ATAD2: variants seen among roughly 807,000 people sequenced by gnomAD.
ATAD2 encodes the protein ATPase family AAA domain-containing protein 2.
Under a neutral mutation model 168.9 loss-of-function variants are expected in ATAD2, and 62 were observed. The ratio of observed to expected loss-of-function variants is 0.37; its 90% CI spans 0.30 to 0.45. The LOEUF (loss-of-function observed/expected upper bound fraction) is 0.45. ATAD2 is among the 20% of genes least tolerant of loss of function. The probability of loss-of-function intolerance (pLI) is 1.00; values close to 1 mark genes in which losing one functional copy is unlikely to be tolerated. For missense variants in ATAD2, 1,419 were observed against 1,667.8 expected, an observed-to-expected ratio of 0.85 and a Z score of 2.60; for synonymous variants, 613 against 571.6, an observed-to-expected ratio of 1.07 and a Z score of -1.03.
In ATAD2 at chr8:123,371,234, ACTT is replaced by A. The variant is rs1243596943; in HGVS notation, c.638_639+1del. 6 of 1,585,732 alleles carry A rather than the reference ACTT, an allele frequency of 3.8e-6. No individual in the cohort carries two copies. Among genetic ancestry groups the A allele is most frequent in the South Asian group, 1.2e-5 (1 of 86,918 alleles). On this transcript the variant is annotated splice_donor_variant and coding_sequence_variant, in exon 5 of 28. Coordinates refer to ENST00000287394, the MANE Select transcript of ATAD2 (RefSeq NM_014109.4). LOFTEE classifies it high-confidence loss of function. ...ATTCCCTTAATGGAAGAATATATTT[ACTT>A]CTTCTGTTTCATTAAACACTCCCAA...
chr8:123,344,681 A>G (rs1828177864), intron 19 of ATAD2: 1 of 559,360 alleles, frequency 1.8e-6, no homozygotes, highest in East Asian at 3.3e-5. Context: ...AAATTTATGT[A>G]TCCTTAATAT....
At chr8:123,409,028 G>T (rs926296484) in intron 1 of ATAD2, among the ~76,000 whole-genome samples, 7 of 151,794 alleles carry the variant, frequency 4.6e-5, no homozygotes, top group African/African-American at 1.7e-4. Context: ...GGGTTTTGCT[G>T]TGTTGGCCAG....
rs530714767 is a variant in ATAD2, at chr8:123,391,748, A to T, written c.171+4439T>A. 2.6e-5 allele frequency among the ~76,000 whole-genome samples: 4 copies of T among 152,296 alleles called. 1 individual carries two copies. Among genetic ancestry groups the T allele is most frequent in the African/African-American group, 7.2e-5 (3 of 41,564 alleles). Reference sequence around the variant, plus strand: ...AAATGTATTGAATGTAAAGCCCCCAAATCAGAAAATATTCCAATTACAGAG... The same window carrying T: ...AAATGTATTGAATGTAAAGCCCCCATATCAGAAAATATTCCAATTACAGAG... On this transcript the variant is annotated intron_variant, in intron 1 of 27. Transcript: ENST00000287394.
Position 123,379,890 on chromosome 8 carries a change from A to ATTAT in ATAD2, c.320+638_320+639insATAA, listed in dbSNP as rs748949591. Among the ~76,000 whole-genome samples the ATTAT allele has an allele frequency of 3.1e-3, 401 of 129,134 alleles. 2 individuals carry two copies. Among genetic ancestry groups the ATTAT allele is most frequent in the Middle Eastern group, 0.015 (4 of 264 alleles). 84.7% of individuals were successfully genotyped at this position (129,134 alleles called of 152,430 possible). The stretch of plus-strand genomic sequence containing the variant: ...GCCACGTATTATTATTATTATTATT[A>ATTAT]TTTTTTTTTTTTTGAGACTGAGTTT... On this transcript the variant is annotated intron_variant, in intron 2 of 27. Coordinates refer to ENST00000287394, the MANE Select transcript of ATAD2 (RefSeq NM_014109.4).
At position 123,328,506 on chromosome 8, in the gene ATAD2, T is replaced by C. The variant is rs780920820; in HGVS notation, c.3552A>G (p.Ser1184=). 2.5e-6 allele frequency: 4 copies of C among 1,596,928 alleles called. No individual in the cohort carries two copies. The highest frequency in any genetic ancestry group is 4.5e-5 in the East Asian group (2 of 44,412). Residue 1184 remains serine (S), a synonymous_variant, in exon 25 of 28, where the codon TCA becomes TCG. Coordinates refer to ENST00000287394, the MANE Select transcript of ATAD2 (RefSeq NM_014109.4). ...LGTIKKRRKI[S]QAKDDSQNAI... Reference sequence around the variant, plus strand: ...CATTCTGGCTATCATCCTTTGCCTGTGAAATCTTCCTTCGCTTTTTTATGG... The same window carrying C: ...CATTCTGGCTATCATCCTTTGCCTGCGAAATCTTCCTTCGCTTTTTTATGG...
At position 123,358,723 on chromosome 8, in the gene ATAD2, CTTTTTTTTTTTTTTT is replaced by C. The variant is rs772822406; in HGVS notation, c.1382+483_1382+497del. Among the ~76,000 whole-genome samples the C allele has an allele frequency of 1.4e-4, 11 of 76,844 alleles. No individual in the cohort carries two copies. The South Asian group carries it at 2.9e-3, about 20-fold the overall frequency. The allele number at this position is 76,844 out of a possible 152,430, so 50.4% of individuals were successfully genotyped here. Reference sequence around the variant, plus strand: ...CCTGTGATTGATATATGGTACATTACTTTTTTTTTTTTTTTTTTTTTTTTTGGAGATGGTGTCTTG... The same window carrying C: ...CCTGTGATTGATATATGGTACATTACTTTTTTTTTTGGAGATGGTGTCTTG... On this transcript the variant is annotated intron_variant, in intron 11 of 27. Transcript: ENST00000287394.
At position 123,321,131 on chromosome 8, in the gene ATAD2, TCATCATCTGGAACAA is replaced by T. The variant is rs1190318548; in HGVS notation, c.4161_*2del. The T allele has an allele frequency of 6.2e-7, 1 of 1,608,516 alleles. No individual in the cohort carries two copies. The highest frequency in any genetic ancestry group is 8.5e-7 in the Non-Finnish European group (1 of 1,178,502). On this transcript the variant is annotated stop_lost and 3_prime_UTR_variant, in exon 28 of 28. Coordinates refer to ENST00000287394, the MANE Select transcript of ATAD2 (RefSeq NM_014109.4). ...ATAAAGAATACTCGATACCATGACA[TCATCATCTGGAACAA>T]CTGAAGTTTTCTACCTCTTGCTCCA...
rs974302887 is a variant in ATAD2 at position 123,402,099 on chromosome 8, G to A, written c.-2281-924C>T. On this transcript the variant is annotated intron_variant, in intron 1 of 28. Transcript: ENST00000521903. The surrounding 1 kb of genome is among the most constrained non-coding windows in gnomAD (Gnocchi z 4.8). ...CATGGCCTGCACTCTTAGGAGAAGC[G>A]GCTGTACTGACAGCAGTGGAGGCCG... is the stretch of plus-strand genomic sequence containing the variant. 2.0e-5 allele frequency: 22 copies of A among 1,124,396 alleles called. 1 individual carries two copies. Among genetic ancestry groups the A allele is most frequent in the Middle Eastern group, 5.7e-4 (2 of 3,536 alleles). The allele number at this position is 1,124,396 out of a possible 1,614,324, so 69.7% of individuals were successfully genotyped here. A position where few individuals can be genotyped will look rare whatever the true frequency, so the allele number is the denominator to read the frequency against.
At chr8:123,346,310 A>G in intron 17 of ATAD2, 38 bp from the exon 18 acceptor site, 20 of 1,499,764 alleles carry the variant, frequency 1.3e-5, no homozygotes, top group Non-Finnish European at 1.7e-5. Flanking sequence ...GTTTTAGAAA[A>G]AACAGTTTAA....
At position 123,346,216 on chromosome 8, in the gene ATAD2, G is replaced by A. The variant is rs751593258; in HGVS notation, c.2402C>T (p.Pro801Leu). ...FRPRILIVGE[P>L]GFGQGSHLAP... Reference sequence around the variant, plus strand: ...CAAGTGAGAACCTTGCCCAAATCCTGGTTCTCCTACTATCAATATTCTTGG... The same window carrying A: ...CAAGTGAGAACCTTGCCCAAATCCTAGTTCTCCTACTATCAATATTCTTGG... Residue 801 changes from proline to leucine, a missense_variant, in exon 18 of 28, where the codon CCA becomes CTA. Coordinates refer to ENST00000287394, the MANE Select transcript of ATAD2 (RefSeq NM_014109.4). The A allele has an allele frequency of 5.0e-6, 8 of 1,611,220 alleles. No homozygotes were observed. The African/African-American group carries it at 1.1e-4, about 22-fold the overall frequency.
In ATAD2 at chr8:123,328,402, C is replaced by A. The variant is rs768951188; in HGVS notation, c.3656G>T (p.Gly1219Val). The change falls in exon 25 of 28, where the codon GGA becomes GTA. Residue 1219 changes from glycine to valine, a missense_variant. Gly to Val is a moderately radical substitution (Grantham distance 109). Around this residue, in one of 5 missense-constraint regions of ATAD2, gnomAD observed 303 missense variants for 304.3 expected, o/e 1.00. Coordinates refer to ENST00000287394, the MANE Select transcript of ATAD2 (RefSeq NM_014109.4). Reference protein sequence around the residue: ...SVDHNETGNTGESSVEENEKQ... With the variant: ...SVDHNETGNTVESSVEENEKQ... ...TTCATTTTCTTCCACCGAAGACTCT[C>A]CTGTGTTTCCGGTCTCATTATGATC... The A allele has an allele frequency of 3.2e-6, 5 of 1,555,306 alleles. No homozygotes were observed. The highest frequency in any genetic ancestry group is 4.3e-6 in the Non-Finnish European group (5 of 1,149,948).
intron 1 of ATAD2, among the ~76,000 whole-genome samples, chr8:123,411,355 T>C (rs1371552306): frequency 6.6e-6 from 1 of 152,040 alleles, no homozygotes; most frequent in African/African-American, 2.4e-5. Context: ...CAACCCCTAC[T>C]ACGCCCCAAT....
At chr8:123,401,293 C>A (rs1812995614), upstream of ATAD2, 1 of 1,202,076 alleles carries the variant, frequency 8.3e-7, no homozygotes, top group Non-Finnish European at 1.2e-6. Flanking sequence ...CAAGGATTCC[C>A]ATGAGCAGCT....
chr8:123,380,686 A>G lies in ATAD2; in HGVS notation c.172-9T>C, dbSNP rs752190046. ...TTAACTGATGACCCATCCTTTAAGAAAAATTAAGAAAGCCATCTAAGTTTT... is the reference window on the plus strand; with the variant it reads ...TTAACTGATGACCCATCCTTTAAGAGAAATTAAGAAAGCCATCTAAGTTTT... On this transcript the variant is annotated splice_polypyrimidine_tract_variant and intron_variant, in intron 1 of 27. Transcript: ENST00000287394. 2.5e-6 allele frequency: 4 copies of G among 1,594,048 alleles called. No homozygotes were observed. The highest frequency in any genetic ancestry group is 3.4e-6 in the Non-Finnish European group (4 of 1,171,764).
chr8:123,375,669 A>G lies in ATAD2; in HGVS notation c.321-2983T>C, dbSNP rs147737066. On this transcript the variant is annotated intron_variant, in intron 2 of 27. Coordinates refer to ENST00000287394, the MANE Select transcript of ATAD2 (RefSeq NM_014109.4). ...TGGTATATCAATACAATTGACTCTTATTCAACAATAAGAAGTACTGAGCCA... is the reference window on the plus strand; with the variant it reads ...TGGTATATCAATACAATTGACTCTTGTTCAACAATAAGAAGTACTGAGCCA... 9.8e-5 allele frequency among the ~76,000 whole-genome samples: 15 copies of G among 152,330 alleles called. No homozygotes were observed. The East Asian group carries it at 2.9e-3, about 29-fold the overall frequency.
At chr8:123,345,743 T>G (rs997710483) in intron 18 of ATAD2, among the ~76,000 whole-genome samples, 7 of 152,092 alleles carry the variant, frequency 4.6e-5, no homozygotes, top group African/African-American at 1.7e-4. Flanking sequence ...AAACAGAAAC[T>G]GCAGAATATC....
chr8:123,346,475 C>T (rs1828246676), intron 17 of ATAD2, 143 bp downstream of exon 17: 1 of 1,012,840 alleles, frequency 9.9e-7, no homozygotes, highest in Non-Finnish European at 1.4e-6. Context: ...ACTGTTGTGA[C>T]AACTGTAACA....
rs1266792358 is a variant in ATAD2, at chr8:123,328,509, A to G, written c.3549T>C (p.Ile1183=). 6.3e-7 allele frequency: 1 copy of G among 1,595,974 alleles called. No homozygotes were observed. Among genetic ancestry groups the G allele is most frequent in the Non-Finnish European group, 8.5e-7 (1 of 1,173,404 alleles). ...TCTGGCTATCATCCTTTGCCTGTGA[A>G]ATCTTCCTTCGCTTTTTTATGGTGC... ...YLGTIKKRRK[I]SQAKDDSQNA... is the part of the protein sequence containing the mutation. The change falls in exon 25 of 28, where the codon ATT becomes ATC. Residue 1183 remains isoleucine, a synonymous_variant. Transcript: ENST00000287394.
chr8:123,360,244 TG>T (rs1586882123), intron 9 of ATAD2, among the ~76,000 whole-genome samples: 1 of 152,236 alleles, frequency 6.6e-6, no homozygotes, highest in East Asian at 1.9e-4. Context: ...AATTCTGCTA[TG>T]ATATCTCCCA....
Sources: allele counts gnomAD v4.1 joint callset (sites outside exome capture counted in the v4.1 genomes callset), GRCh38; gene constraint gnomAD v4.1.1; regional missense constraint gnomAD v4.1.1; non-coding constraint Gnocchi (gnomAD v3.1); transcripts MANE v1.5; gene names NCBI Gene and HGNC (gene_info 2026-07-23, HGNC 2026-07-21).